AEBP2: variants seen among roughly 807,000 people sequenced by gnomAD.
AEBP2 encodes the protein zinc finger protein AEBP2.
AEBP2 carries 10 observed loss-of-function variants against 50.8 expected under a neutral mutation model. The ratio of observed to expected loss-of-function variants is 0.20; its 90% CI spans 0.12 to 0.33. AEBP2 has a LOEUF of 0.33. Among genes scored for constraint, AEBP2 ranks in the 10% least tolerant of loss-of-function variants. The probability of loss-of-function intolerance (pLI) is 1.00; values close to 1 mark genes in which losing one functional copy is unlikely to be tolerated. For synonymous variants in AEBP2, 296 were observed against 261.3 expected (o/e 1.13, Z -1.28); for missense variants, 570 against 688.0 (o/e 0.83, Z 1.92).
intron 3 of AEBP2, 21 bp downstream of exon 3, chr12:19,473,376 A>AATTTATTTATTTATTTATTTATTT (rs71530938): frequency 7.4e-5 from 13 of 175,602 alleles, no homozygotes; most frequent in Middle Eastern, 1.5e-3. Flanking sequence ...ATGTATATAA[A>AATTTATTTATTTATTTATTTATTT]ATTTATTTAT....
chr12:19,504,834 C>T (rs1057158110), intron 5 of AEBP2, among the ~76,000 whole-genome samples: 1 of 152,002 alleles, frequency 6.6e-6, no homozygotes, highest in African/African-American at 2.4e-5. Context: ...ACATTCCACT[C>T]AAGTTTTAGA....
intron 1 of AEBP2, chr12:19,456,868 T>G: frequency 6.7e-7 from 1 of 1,481,606 alleles, no homozygotes; most frequent in Non-Finnish European, 9.4e-7. Context: ...ATACCACCAA[T>G]TTTTGTAGAC....
At chr12:19,411,051 CA>C (rs140861165) in intron 1 of AEBP2, among the ~76,000 whole-genome samples, 4,268 of 148,318 alleles carry the variant, frequency 0.029, 61 homozygotes, top group East Asian at 0.046. Flanking sequence ...GCGGTCACGG[CA>C]AAAAAAAACA....
rs1947902796 is a variant in AEBP2 at position 19,439,621 on chromosome 12, G to A, written c.-79G>A. 4.1e-6 allele frequency: 6 copies of A among 1,474,776 alleles called. No individual in the cohort carries two copies. Among genetic ancestry groups the A allele is most frequent in the Non-Finnish European group, 5.4e-6 (6 of 1,115,002 alleles). 91.4% of individuals were successfully genotyped at this position (1,474,776 alleles called of 1,614,324 possible). On this transcript the variant is annotated 5_prime_UTR_variant, in exon 1 of 8. Transcript: ENST00000266508. ...GCGTCGGCGGAGTTTTGGGCGTTTG[G>A]GAGGGGGGCGAGGGAGAGAGAGTCG...
chr12:19,508,416 C>T (rs979156984), intron 5 of AEBP2, among the ~76,000 whole-genome samples: 3 of 152,028 alleles, frequency 2.0e-5, no homozygotes, highest in African/African-American at 7.2e-5. Context: ...TAAAGCTCTG[C>T]TTTTACTCAG....
At chr12:19,487,402 A>G (rs1286919737) in intron 3 of AEBP2, among the ~76,000 whole-genome samples, 1 of 152,164 alleles carries the variant, frequency 6.6e-6, no homozygotes, top group Non-Finnish European at 1.5e-5. Context: ...GTCTGGTTAC[A>G]GAAAGTACGT....
chr12:19,440,736 C>T (rs369372278), intron 1 of AEBP2: 73 of 1,533,464 alleles, frequency 4.8e-5, no homozygotes, highest in East Asian at 2.0e-4. Flanking sequence ...AGGTTAGCTT[C>T]TTCCAACCGT....
chr12:19,424,497 C>A (rs192698580), intron 1 of AEBP2, among the ~76,000 whole-genome samples: 3 of 151,746 alleles, frequency 2.0e-5, no homozygotes, highest in African/African-American at 7.3e-5. Flanking sequence ...CCCGGGTTCA[C>A]GCCACTCTCC....
chr12:19,454,466 A>G (rs778312576), intron 1 of AEBP2, among the ~76,000 whole-genome samples: 9 of 152,206 alleles, frequency 5.9e-5, no homozygotes, highest in Non-Finnish European at 7.3e-5. Context: ...ATTTGCAAGC[A>G]TGATTTTATG....
intron 1 of AEBP2, among the ~76,000 whole-genome samples, chr12:19,419,792 T>C (rs1216945108): frequency 6.6e-6 from 1 of 150,486 alleles, no homozygotes; most frequent in Non-Finnish European, 1.5e-5. Context: ...TAGCCGGGCG[T>C]GGTGGTGTGC....
At chr12:19,503,872 T>C (rs117558666) in intron 5 of AEBP2, among the ~76,000 whole-genome samples, 3,270 of 152,072 alleles carry the variant, frequency 0.022, 39 homozygotes, top group East Asian at 0.043. Context: ...TACTCTGTCA[T>C]CCAGGCTGGA....
chr12:19,507,244 G>T (rs1172284152), intron 5 of AEBP2, among the ~76,000 whole-genome samples: 1 of 152,166 alleles, frequency 6.6e-6, no homozygotes, highest in Non-Finnish European at 1.5e-5. Flanking sequence ...TAGTGAAATG[G>T]TGGTCTAGTA....
chr12:19,500,279 ACAAT>A (rs1389947304), intron 5 of AEBP2, 58 bp downstream of exon 5: 1 of 1,340,936 alleles, frequency 7.5e-7, no homozygotes, highest in African/African-American at 1.5e-5. Context: ...AAATATTTCC[ACAAT>A]CATTTCTAAA....
At chr12:19,419,077 T>C in intron 1 of AEBP2, 1 of 166,022 alleles carries the variant, frequency 6.0e-6, no homozygotes, top group Non-Finnish European at 1.4e-5. Flanking sequence ...GGGATGTCCT[T>C]CTTACAGGTT....
chr12:19,486,107 T>G (rs1948805927), intron 3 of AEBP2, among the ~76,000 whole-genome samples: 1 of 152,124 alleles, frequency 6.6e-6, no homozygotes, highest in Admixed American at 6.6e-5. Context: ...AAGACAAGAT[T>G]TCTAATGTCC....
At chr12:19,463,667 A>AT (rs34007914) in intron 2 of AEBP2, among the ~76,000 whole-genome samples, 8,825 of 84,650 alleles carry the variant, frequency 0.1, 1,055 homozygotes, top group African/African-American at 0.19. Flanking sequence ...TCATACTTGA[A>AT]TTTTTTTTTT....
intron 1 of AEBP2, among the ~76,000 whole-genome samples, chr12:19,450,913 T>TA (rs2153367983): frequency 6.6e-6 from 1 of 151,942 alleles, no homozygotes; most frequent in African/African-American, 2.4e-5. Flanking sequence ...ATGTATACTA[T>TA]AGGCTGTATT....
chr12:19,481,017 T>C (rs1210756508), intron 3 of AEBP2, among the ~76,000 whole-genome samples: 6 of 151,820 alleles, frequency 4.0e-5, no homozygotes, highest in Middle Eastern at 3.2e-3. Flanking sequence ...TTTGTCTGAT[T>C]GGGTTATTTC....
intron 3 of AEBP2, among the ~76,000 whole-genome samples, chr12:19,477,449 G>A (rs1049012522): frequency 6.6e-6 from 1 of 152,100 alleles, no homozygotes; most frequent in Non-Finnish European, 1.5e-5. Flanking sequence ...TGTTTATTAC[G>A]TTAAGGTATG....
Sources: allele counts gnomAD v4.1 joint callset (sites outside exome capture counted in the v4.1 genomes callset), GRCh38; gene constraint gnomAD v4.1.1; transcripts MANE v1.5; gene names NCBI Gene and HGNC (gene_info 2026-07-23, HGNC 2026-07-21).